The following NRXN3 variants were observed in gnomAD, a reference collection of about 807,000 sequenced individuals.
NRXN3 encodes neurexin 3.
NRXN3 carries 32 observed loss-of-function variants against 137.6 expected under a neutral mutation model. The ratio of observed to expected loss-of-function variants is 0.23; its 90% CI spans 0.18 to 0.31. The LOEUF (loss-of-function observed/expected upper bound fraction) is 0.31, where lower values mean the gene tolerates loss of function less well. Ranked by LOEUF, NRXN3 falls within the 10% of genes least tolerant of loss-of-function variation. The pLI is 1.00. For synonymous variants in NRXN3, 798 were observed against 784.5 expected (o/e 1.02, Z -0.29); for missense variants, 1,574 against 2,062.5 (o/e 0.76, Z 4.59).
intron 15 of NRXN3, among the ~76,000 whole-genome samples, chr14:79,057,462 G>T (rs900458814): frequency 6.6e-6 from 1 of 152,090 alleles, no homozygotes; most frequent in African/African-American, 2.4e-5. Flanking sequence ...ACTGAAAATG[G>T]CACTATAAAC....
chr14:79,260,085 C>A (rs553622281), intron 15 of NRXN3, among the ~76,000 whole-genome samples: 7 of 152,154 alleles, frequency 4.6e-5, no homozygotes, highest in East Asian at 3.9e-4. Context: ...TCAAGTTTTG[C>A]AAATTTATTT....
intron 10 of NRXN3, among the ~76,000 whole-genome samples, chr14:78,891,952 CAG>C (rs1174758096): frequency 1.3e-5 from 2 of 151,868 alleles, no homozygotes; most frequent in African/African-American, 4.8e-5. Context: ...AATACAAAGA[CAG>C]AATTCTTTTC....
At chr14:79,352,010 G>A (rs551627773) in intron 15 of NRXN3, among the ~76,000 whole-genome samples, 33 of 152,172 alleles carry the variant, frequency 2.2e-4, no homozygotes, top group Non-Finnish European at 4.1e-4. Flanking sequence ...TTACATTTCT[G>A]AGTTAGAAGT....
rs936544125 is a variant in NRXN3 at position 79,860,684 on chromosome 14, G to A, written c.4094-658G>A. On this transcript the variant is annotated intron_variant, in intron 20 of 20. Coordinates refer to ENST00000335750, the MANE Select transcript of NRXN3 (RefSeq NM_001330195.2). ...TTCTTAAGTTAAGCACACAATGTGT[G>A]CGTGTACCCACACATGCCAATTTTG... Among the ~76,000 whole-genome samples the A allele has an allele frequency of 2.5e-4, 38 of 152,224 alleles. 1 individual carries two copies. Among genetic ancestry groups the A allele is most frequent in the Non-Finnish European group, 2.9e-5 (2 of 68,046 alleles).
intron 15 of NRXN3, among the ~76,000 whole-genome samples, chr14:79,427,659 C>T (rs574521682): frequency 9.3e-4 from 142 of 152,052 alleles, no homozygotes; most frequent in African/African-American, 3.4e-3. Flanking sequence ...TGGTGAAACC[C>T]CATCTCTACT....
intron 10 of NRXN3, among the ~76,000 whole-genome samples, chr14:78,890,911 C>G (rs2099157026): frequency 6.6e-6 from 1 of 151,932 alleles, no homozygotes. Context: ...CTGAAGCAGC[C>G]TTCGTCTCCC....
intron 15 of NRXN3, among the ~76,000 whole-genome samples, chr14:79,077,169 G>A (rs2046117227): frequency 6.6e-6 from 1 of 152,186 alleles, no homozygotes; most frequent in South Asian, 2.1e-4. Context: ...ACAATTAGAA[G>A]TTTATTCTTT....
intron 15 of NRXN3, among the ~76,000 whole-genome samples, chr14:79,330,215 C>A (rs989986399): frequency 6.6e-6 from 1 of 151,960 alleles, no homozygotes; most frequent in Non-Finnish European, 1.5e-5. Context: ...GACAGATGAA[C>A]AAGGGAGCTA....
chr14:78,790,271 GC>G (rs2153049423), intron 8 of NRXN3, among the ~76,000 whole-genome samples: 1 of 152,162 alleles, frequency 6.6e-6, no homozygotes, highest in African/African-American at 2.4e-5. Flanking sequence ...AAGAGTACAT[GC>G]CTGCTTTTCT....
intron 10 of NRXN3, among the ~76,000 whole-genome samples, chr14:78,938,848 CTTTT>C (rs1255540319): frequency 3.0e-5 from 4 of 132,028 alleles, no homozygotes. Context: ...AGTGATTTTT[CTTTT>C]TTTTTTTTTT....
intron 15 of NRXN3, among the ~76,000 whole-genome samples, chr14:79,041,428 C>T (rs546077715): frequency 1.5e-4 from 23 of 152,108 alleles, no homozygotes; most frequent in Non-Finnish European, 2.9e-4. Context: ...TAACCACATC[C>T]GCAGAAAGTG....
At chr14:79,030,749 G>A (rs2099607056) in intron 15 of NRXN3, among the ~76,000 whole-genome samples, 1 of 147,074 alleles carries the variant, frequency 6.8e-6, no homozygotes, top group Non-Finnish European at 1.5e-5. Flanking sequence ...ATTTTGGTGT[G>A]GAAACTGTCT....
At chr14:79,476,430 C>T (rs530266379) in intron 16 of NRXN3, among the ~76,000 whole-genome samples, 4 of 152,176 alleles carry the variant, frequency 2.6e-5, no homozygotes, top group Non-Finnish European at 5.9e-5. Flanking sequence ...GTTGATACGA[C>T]CAAGCTAACC....
chr14:79,414,289 A>G (rs934871499), intron 15 of NRXN3, among the ~76,000 whole-genome samples: 1 of 152,158 alleles, frequency 6.6e-6, no homozygotes, highest in Non-Finnish European at 1.5e-5. Context: ...TCATCCTAAC[A>G]TTATGCCATC....
Position 78,547,685 on chromosome 14 carries a change from A to C in NRXN3, c.758-97435A>C, listed in dbSNP as rs374213000. Among the ~76,000 whole-genome samples, 10 of 151,484 alleles carry C rather than the reference A, an allele frequency of 6.6e-5. No homozygotes were observed. The East Asian group carries it at 1.9e-3, about 29-fold the overall frequency. On this transcript the variant is annotated intron_variant, in intron 4 of 20. Coordinates refer to ENST00000335750, the MANE Select transcript of NRXN3 (RefSeq NM_001330195.2). ...TATATTTTCTTTGTGTTGTCTTTTA[A>C]ATTTTTGGGGGAGATGTATTTATAA...
chr14:78,903,279 G>T (rs1368839745), intron 10 of NRXN3, among the ~76,000 whole-genome samples: 1 of 151,134 alleles, frequency 6.6e-6, no homozygotes, highest in African/African-American at 2.4e-5. Context: ...CTCCTGAGTA[G>T]TTGGGACTAT....
At chr14:78,406,631 G>A (rs1567501819) in intron 4 of NRXN3, among the ~76,000 whole-genome samples, 1 of 152,214 alleles carries the variant, frequency 6.6e-6, no homozygotes, top group Admixed American at 6.5e-5. Flanking sequence ...AGCACTGGTA[G>A]CAGTGGAGGG....
At chr14:78,236,884 G>A (rs1414858279) in intron 1 of NRXN3, among the ~76,000 whole-genome samples, 1 of 152,154 alleles carries the variant, frequency 6.6e-6, no homozygotes, top group African/African-American at 2.4e-5. Flanking sequence ...ATCTTTGAGA[G>A]AATTCATGCC....
chr14:79,585,683 T>TAAA (rs1264605001), intron 16 of NRXN3, among the ~76,000 whole-genome samples: 4,040 of 75,318 alleles, frequency 0.054, 202 homozygotes, highest in African/African-American at 0.076. Flanking sequence ...GACTCCATCT[T>TAAA]AAAAAAAAAA....
Sources: gnomAD v4.1 joint callset for allele counts (sites outside exome capture counted in the v4.1 genomes callset) on GRCh38, gnomAD v4.1.1 for gene constraint, MANE v1.5 for transcripts, NCBI Gene and HGNC (gene_info 2026-07-23, HGNC 2026-07-21) for gene names.